ARMC2: variants seen among roughly 807,000 people sequenced by gnomAD.
The protein encoded by ARMC2 is armadillo repeat containing 2, also known as armadillo repeat-containing protein 2.
Under a neutral mutation model 90.3 loss-of-function variants are expected in ARMC2, and 67 were observed. The observed-to-expected ratio is 0.74, with a 90% CI of 0.61 to 0.91. The LOEUF (loss-of-function observed/expected upper bound fraction) is 0.91. ARMC2 is among the 40% of genes least tolerant of loss of function. The pLI is 0.00. For synonymous variants in ARMC2, 393 were observed against 393.0 expected (o/e 1.00, Z 0.00); for missense variants, 920 against 1,030.9 (o/e 0.89, Z 1.47).
At chr6:108,872,032 T>G (rs1776468873) in intron 4 of ARMC2, among the ~76,000 whole-genome samples, 1 of 152,256 alleles carries the variant, frequency 6.6e-6, no homozygotes, top group Admixed American at 6.5e-5. Context: ...CATTGTCATT[T>G]GTATAAGAGC....
chr6:109,028,931 T>C, the ARMC2 span, among the ~76,000 whole-genome samples: 1 of 152,156 alleles, frequency 6.6e-6, no homozygotes, highest in African/African-American at 2.4e-5. Flanking sequence ...AGAGCGGGTA[T>C]CTCTGAATTG....
the ARMC2 span, among the ~76,000 whole-genome samples, chr6:109,029,894 T>C: frequency 9.9e-5 from 15 of 152,154 alleles, no homozygotes; most frequent in African/African-American, 3.6e-4. Flanking sequence ...TTGTATCTAA[T>C]TACGTTATAT....
At chr6:109,048,300 G>C in the ARMC2 span, among the ~76,000 whole-genome samples, 1 of 152,142 alleles carries the variant, frequency 6.6e-6, no homozygotes, top group Non-Finnish European at 1.5e-5. Context: ...TGAATAGTTT[G>C]AGGAGCCACC....
chr6:108,909,844 T>C (rs1773231023), intron 8 of ARMC2, among the ~76,000 whole-genome samples: 1 of 152,174 alleles, frequency 6.6e-6, no homozygotes, highest in Non-Finnish European at 1.5e-5. Context: ...TAGAAGGTAA[T>C]TTTCAACTTT....
chr6:108,888,087 T>C (rs1156735437), intron 5 of ARMC2, among the ~76,000 whole-genome samples: 1 of 152,164 alleles, frequency 6.6e-6, no homozygotes, highest in Admixed American at 6.5e-5. Context: ...CCATACTACC[T>C]TTGGCTGAGT....
At chr6:108,970,286 A>C (rs1583238500) in intron 17 of ARMC2, among the ~76,000 whole-genome samples, 1 of 152,026 alleles carries the variant, frequency 6.6e-6, no homozygotes, top group Non-Finnish European at 1.5e-5. Flanking sequence ...GGGCCTCAAG[A>C]CAAGTAACAT....
chr6:108,998,717 C>T, the ARMC2 span: 36 of 1,613,450 alleles, frequency 2.2e-5, no homozygotes, highest in Admixed American at 2.0e-4. Context: ...GTACCAATTC[C>T]GCAAGGGACC....
the ARMC2 span, among the ~76,000 whole-genome samples, chr6:108,982,549 TC>T: frequency 6.6e-6 from 1 of 152,188 alleles, no homozygotes; most frequent in Non-Finnish European, 1.5e-5. Context: ...GGAACCTCCA[TC>T]GTGTTTAAGT....
chr6:108,987,310 G>A, the ARMC2 span: 17 of 437,742 alleles, frequency 3.9e-5, no homozygotes, highest in Non-Finnish European at 8.1e-6. Flanking sequence ...CTGTCAAAAA[G>A]CAAAATACTG....
At chr6:109,002,472 T>C in the ARMC2 span, 25 of 666,642 alleles carry the variant, frequency 3.8e-5, no homozygotes, top group South Asian at 3.9e-4. Flanking sequence ...TTTTCATGGC[T>C]GTATATACAT....
At chr6:108,907,206 GC>G (rs1772832142) in intron 8 of ARMC2, among the ~76,000 whole-genome samples, 2 of 151,596 alleles carry the variant, frequency 1.3e-5, no homozygotes, top group Admixed American at 1.3e-4. Context: ...GTTTTCCTTT[GC>G]CACTTTTTAC....
At chr6:108,992,350 C>G in the ARMC2 span, among the ~76,000 whole-genome samples, 2 of 152,132 alleles carry the variant, frequency 1.3e-5, no homozygotes, top group African/African-American at 4.8e-5. Context: ...TGCCTCGGCT[C>G]AGGCAATCCA....
At chr6:108,990,615 TC>T in the ARMC2 span, 1 of 1,606,716 alleles carries the variant, frequency 6.2e-7, no homozygotes, top group Non-Finnish European at 8.5e-7. Context: ...GAGGAAAACA[TC>T]TCTTTATAAA....
chr6:108,991,315 C>A, the ARMC2 span, among the ~76,000 whole-genome samples: 1 of 152,144 alleles, frequency 6.6e-6, no homozygotes, highest in Admixed American at 6.5e-5. Context: ...GATCACAGCT[C>A]ACTGCAGTCT....
At chr6:108,970,532 C>T (rs1583239328) in intron 17 of ARMC2, among the ~76,000 whole-genome samples, 1 of 135,144 alleles carries the variant, frequency 7.4e-6, no homozygotes, top group Non-Finnish European at 1.6e-5. Flanking sequence ...GAGTCTCTCA[C>T]TGTCGCCCAG....
chr6:109,026,649 C>T, the ARMC2 span, among the ~76,000 whole-genome samples: 6 of 152,126 alleles, frequency 3.9e-5, no homozygotes, highest in East Asian at 5.9e-4. Flanking sequence ...GGACTACAGG[C>T]GTGCGCCACC....
At chr6:109,019,952 G>A in the ARMC2 span, among the ~76,000 whole-genome samples, 4 of 152,014 alleles carry the variant, frequency 2.6e-5, no homozygotes, top group Non-Finnish European at 5.9e-5. Flanking sequence ...TACATAAGTG[G>A]GTTTTAAAAA....
the ARMC2 span, among the ~76,000 whole-genome samples, chr6:108,980,545 T>C: frequency 6.7e-5 from 10 of 149,686 alleles, no homozygotes; most frequent in Non-Finnish European, 1.2e-4. Flanking sequence ...GGAGATCTGC[T>C]GCTCTCTTCA....
intron 11 of ARMC2, among the ~76,000 whole-genome samples, chr6:108,936,080 C>G (rs1474804153): frequency 1.3e-5 from 2 of 152,008 alleles, no homozygotes; most frequent in Non-Finnish European, 2.9e-5. Flanking sequence ...GTCAATATTG[C>G]CTTACGGGTT....
Sources: gnomAD v4.1 joint callset for allele counts (sites outside exome capture counted in the v4.1 genomes callset) on GRCh38, gnomAD v4.1.1 for gene constraint, MANE v1.5 for transcripts, NCBI Gene and HGNC (gene_info 2026-07-23, HGNC 2026-07-21) for gene names.